FDX2: variants seen among roughly 807,000 people sequenced by gnomAD.
The protein encoded by FDX2 is ferredoxin-2, mitochondrial.
A neutral mutation model predicts 18.5 loss-of-function variants in FDX2; 13 were observed. The ratio of observed to expected loss-of-function variants is 0.70; its 90% CI spans 0.46 to 1.12. The LOEUF (loss-of-function observed/expected upper bound fraction) is 1.12, where lower values mean the gene tolerates loss of function less well. FDX2 is among the 50% of genes most tolerant of loss of function. The probability of loss-of-function intolerance (pLI) is 0.00; values close to 1 mark genes in which losing one functional copy is unlikely to be tolerated. For synonymous variants in FDX2, 132 were observed against 106.2 expected (o/e 1.24, Z -1.49); for missense variants, 238 against 250.4 (o/e 0.95, Z 0.34).
Position 10,311,008 on chromosome 19 carries a change from C to T in FDX2, c.317-68G>A, listed in dbSNP as rs1247928015. On this transcript the variant is annotated intron_variant, in intron 3 of 4. Coordinates refer to ENST00000393708, the MANE Select transcript of FDX2 (RefSeq NM_001031734.4). ...CAGGAAGGGGCTGCTATGCGAATGG[C>T]GTAGAGGAGTAGACCTCTCTTCCAC... is the stretch of plus-strand genomic sequence containing the variant. The T allele has an allele frequency of 2.0e-5, 24 of 1,186,284 alleles. 1 individual carries two copies. The highest frequency in any genetic ancestry group is 4.7e-4 in the Middle Eastern group (2 of 4,230). 73.5% of individuals were successfully genotyped at this position (1,186,284 alleles called of 1,614,324 possible). A position where few individuals can be genotyped will look rare whatever the true frequency, so the allele number is the denominator to read the frequency against.
chr19:10,315,319 G>GATTT (rs2040368890), intron 3 of FDX2, 67 bp downstream of exon 3: 10 of 600,016 alleles, frequency 1.7e-5, no homozygotes, highest in Non-Finnish European at 1.3e-5. Context: ...TAATTTGTGG[G>GATTT]TTTTTTTTTT....
intron 3 of FDX2, among the ~76,000 whole-genome samples, chr19:10,311,677 G>C: frequency 6.6e-6 from 1 of 151,160 alleles, no homozygotes; most frequent in Admixed American, 6.6e-5. Flanking sequence ...TGGGATTACA[G>C]GCGTAAGCCA....
chr19:10,315,510 T>C lies in FDX2; in HGVS notation c.210-18A>G. ...CGTTCACCCTGGGGACAGATGGAAG[T>C]GCGAATGCCGAACTGGATGATGGGC... On this transcript the variant is annotated intron_variant, in intron 2 of 4. Coordinates refer to ENST00000393708, the MANE Select transcript of FDX2 (RefSeq NM_001031734.4). 6.2e-7 allele frequency: 1 copy of C among 1,611,484 alleles called. No individual in the cohort carries two copies. Among genetic ancestry groups the C allele is most frequent in the Non-Finnish European group, 8.5e-7 (1 of 1,178,190 alleles).
chr19:10,315,549 A>G, intron 2 of FDX2, 57 bp from the exon 3 acceptor site: 1 of 1,580,798 alleles, frequency 6.3e-7, no homozygotes, highest in South Asian at 1.1e-5. Flanking sequence ...GGGCCCGGGT[A>G]GAATCTAGGG....
At position 10,310,458 on chromosome 19, in the gene FDX2, G is replaced by A. The variant is rs762957712; in HGVS notation, c.*28C>T. ...CCTCAATCTGGGCCCTGGGGCCATG[G>A]CAATGTGGAATGGTCCAGGTGTTCA... On this transcript the variant is annotated 3_prime_UTR_variant, in exon 5 of 5. Transcript: ENST00000393708. 10 of 1,613,768 alleles carry A rather than the reference G, an allele frequency of 6.2e-6. No homozygotes were observed. In the African/African-American group the frequency reaches 1.3e-4, roughly 22 times the overall value.
chr19:10,315,435 G>C lies in FDX2; in HGVS notation c.267C>G (p.Val89=). 1 of 1,608,448 alleles carries C rather than the reference G, an allele frequency of 6.2e-7. No homozygotes were observed. The highest frequency in any genetic ancestry group is 8.5e-7 in the Non-Finnish European group (1 of 1,177,894). Residue 89 remains valine, a synonymous_variant, in exon 3 of 5, where the codon GTC becomes GTG. Coordinates refer to ENST00000393708, the MANE Select transcript of FDX2 (RefSeq NM_001031734.4). ...GGGCCAGGTGAAGAACATTGTCCCCGACTCTGCCACTCACTGGGATCCGCT... is the reference window on the plus strand; with the variant it reads ...GGGCCAGGTGAAGAACATTGTCCCCCACTCTGCCACTCACTGGGATCCGCT...
rs2040310546 is a variant in FDX2 at position 10,310,415 on chromosome 19, G to A, written c.*71C>T. ...CGGGCCTGTCCGCACTCTGGGCAGG[G>A]CTGGCACCTGGCTATTCCCTCAATC... On this transcript the variant is annotated 3_prime_UTR_variant, in exon 5 of 5. Transcript: ENST00000393708. 25 of 1,600,562 alleles carry A rather than the reference G, an allele frequency of 1.6e-5. No individual in the cohort carries two copies. In the South Asian group the frequency reaches 2.4e-4, roughly 16 times the overall value.
At chr19:10,315,650 G>C (rs2040374814) in intron 2 of FDX2, 55 bp downstream of exon 2, 2 of 1,537,988 alleles carry the variant, frequency 1.3e-6, no homozygotes, top group Non-Finnish European at 1.8e-6. Flanking sequence ...GGCAAGATGG[G>C]GACCAGAGGA....
Position 10,315,733 on chromosome 19 carries a change from C to T in FDX2, c.181G>A (p.Ala61Thr). The change falls in exon 2 of 5, where the codon GCG (alanine) becomes ACG (threonine). Residue 61 changes from alanine (A) to threonine (T), a missense_variant. Physicochemically the swap from Ala to Thr is moderately conservative, Grantham distance 58. Coordinates refer to ENST00000393708, the MANE Select transcript of FDX2 (RefSeq NM_001031734.4). ...TCCCCGGGCCGCTCCGGGCCGCCCG[C>T]GTCCTCCTCTCCAGCCGGGCGCGAG... 2.6e-6 allele frequency: 4 copies of T among 1,565,374 alleles called. No homozygotes were observed. The highest frequency in any genetic ancestry group is 3.5e-6 in the Non-Finnish European group (4 of 1,156,768).
rs1568306163 is a variant in FDX2, at chr19:10,310,573, C to A, written c.474G>T (p.Leu158=). Reference sequence around the variant, plus strand: ...ATTCCGCTCCTTCCAGCTCCGGTGTCAGCACAATCTGGCAGCCCAGCCGCG... The same window carrying A: ...ATTCCGCTCCTTCCAGCTCCGGTGTAAGCACAATCTGGCAGCCCAGCCGCG... Residue 158 remains leucine, a synonymous_variant, in exon 5 of 5, where the codon CTG becomes CTT. Transcript: ENST00000393708. 6.2e-7 allele frequency: 1 copy of A among 1,613,944 alleles called. No homozygotes were observed. Among genetic ancestry groups the A allele is most frequent in the Non-Finnish European group, 8.5e-7 (1 of 1,180,012 alleles).
rs2145046872 is a variant in FDX2, at chr19:10,310,336, G to C, written c.*150C>G. Reference sequence around the variant, plus strand: ...CTGTCCCCACCAGAGCCTGGACATGGGACTCTCTCCCAAGCAGGGGTGTTG... The same window carrying C: ...CTGTCCCCACCAGAGCCTGGACATGCGACTCTCTCCCAAGCAGGGGTGTTG... On this transcript the variant is annotated 3_prime_UTR_variant, in exon 5 of 5. Transcript: ENST00000393708. 1 of 1,124,574 alleles carries C rather than the reference G, an allele frequency of 8.9e-7. No homozygotes were observed. Among genetic ancestry groups the C allele is most frequent in the Middle Eastern group, 2.9e-4 (1 of 3,468 alleles). 69.7% of individuals were successfully genotyped at this position (1,124,574 alleles called of 1,614,324 possible).
At chr19:10,311,373 G>A (rs1045866139) in intron 3 of FDX2, among the ~76,000 whole-genome samples, 1 of 152,034 alleles carries the variant, frequency 6.6e-6, no homozygotes, top group Non-Finnish European at 1.5e-5. Context: ...TCAGTGTGGT[G>A]GGGGAAGGAA....
At chr19:10,310,778 G>C in intron 4 of FDX2, 75 bp downstream of exon 4, 1 of 1,539,040 alleles carries the variant, frequency 6.5e-7, no homozygotes, top group Non-Finnish European at 8.9e-7. Context: ...CCAGGAACTG[G>C]AAGTGGGGAG....
chr19:10,315,337 T>TTTTTTTTGACAAA, intron 3 of FDX2, 49 bp downstream of exon 3: 2 of 1,064,558 alleles, frequency 1.9e-6, no homozygotes, highest in Non-Finnish European at 1.3e-6. Context: ...TTTTTTTTTT[T>TTTTTTTTGACAAA]TGGACAAATG....
At chr19:10,313,671 A>ATATATT (rs1361901597) in intron 3 of FDX2, among the ~76,000 whole-genome samples, 1 of 45,412 alleles carries the variant, frequency 2.2e-5, no homozygotes, top group East Asian at 7.7e-4. Context: ...ATATATATAT[A>ATATATT]TTTTTTTTTT....
chr19:10,315,352 A>G, intron 3 of FDX2, 34 bp downstream of exon 3: 1 of 1,230,528 alleles, frequency 8.1e-7, no homozygotes, highest in South Asian at 1.3e-5. Flanking sequence ...CAAATGTATA[A>G]GGACCTCCTT....
chr19:10,311,666 C>T (rs1358515085), intron 3 of FDX2, among the ~76,000 whole-genome samples: 1 of 150,214 alleles, frequency 6.7e-6, no homozygotes, highest in Non-Finnish European at 1.5e-5. Context: ...TCCCAAAGTG[C>T]TGGGATTACA....
In FDX2 at chr19:10,315,991, G is replaced by A. The variant is rs150936648; in HGVS notation, c.15C>T (p.Ala5=). ...TCACGCCTCCCCGGGCCATGGAGGC[G>A]GCCATGACATGCATCACGTGACTCA... Residue 5 remains alanine (A), a synonymous_variant, in exon 1 of 5, where the codon GCC becomes GCT. Transcript: ENST00000393708. 5 of 1,603,434 alleles carry A rather than the reference G, an allele frequency of 3.1e-6. No homozygotes were observed. Among genetic ancestry groups the A allele is most frequent in the African/African-American group, 1.3e-5 (1 of 74,232 alleles).
chr19:10,313,663 A>ATATG (rs1001053147), intron 3 of FDX2, among the ~76,000 whole-genome samples: 2 of 35,954 alleles, frequency 5.6e-5, no homozygotes, highest in Admixed American at 7.2e-4. Context: ...ATATATATAT[A>ATATG]TATATATATT....
Sources: gnomAD v4.1 joint callset for allele counts (sites outside exome capture counted in the v4.1 genomes callset) on GRCh38, gnomAD v4.1.1 for gene constraint, MANE v1.5 for transcripts, NCBI Gene and HGNC (gene_info 2026-07-23, HGNC 2026-07-21) for gene names.